RAB18: variants seen among roughly 807,000 people sequenced by gnomAD.
The protein encoded by RAB18 is ras-related protein Rab-18.
Under a neutral mutation model 28.5 loss-of-function variants are expected in RAB18, and 10 were observed. The observed-to-expected ratio is 0.35, with a 90% CI of 0.22 to 0.60. The LOEUF is 0.60. Ranked by LOEUF, RAB18 falls within the 20% of genes least tolerant of loss-of-function variation. RAB18 has a pLI of 0.78. For missense variants in RAB18, 188 were observed against 244.2 expected (o/e 0.77, Z 1.53); for synonymous variants, 93 against 86.9 (o/e 1.07, Z -0.39).
chr10:27,527,543 G>A (rs1310632813), intron 3 of RAB18, among the ~76,000 whole-genome samples: 1 of 150,618 alleles, frequency 6.6e-6, no homozygotes, highest in African/African-American at 2.4e-5. Flanking sequence ...CCCACATACC[G>A]ATCTATCTAT....
intron 2 of RAB18, chr10:27,513,829 G>A (rs1049048260): frequency 3.9e-5 from 6 of 152,210 alleles, no homozygotes; most frequent in East Asian, 1.9e-4. Context: ...CAAAAGTGAA[G>A]TGGGTTTCTT....
intron 2 of RAB18, among the ~76,000 whole-genome samples, chr10:27,515,239 A>G (rs1163637565): frequency 2.6e-5 from 4 of 152,116 alleles, no homozygotes; most frequent in Non-Finnish European, 5.9e-5. Context: ...TGGAAATTAG[A>G]TCCTGTAGAA....
chr10:27,509,412 G>A (rs146231938), intron 1 of RAB18, among the ~76,000 whole-genome samples: 20 of 152,142 alleles, frequency 1.3e-4, no homozygotes, highest in African/African-American at 4.8e-4. Context: ...CAGAATGCTC[G>A]GCTTTGATAT....
chr10:27,538,059 G>A lies in RAB18; in HGVS notation c.*8G>A, dbSNP rs371434806. 3.1e-6 allele frequency: 5 copies of A among 1,613,982 alleles called. No individual in the cohort carries two copies. The African/African-American group carries it at 6.7e-5, about 22-fold the overall frequency. On this transcript the variant is annotated 3_prime_UTR_variant, in exon 7 of 7. Coordinates refer to ENST00000356940, the MANE Select transcript of RAB18 (RefSeq NM_021252.5). ...TATTGCTCTGTGTTATAAACTCTGG[G>A]AAATTCCATCTCTTGCATATTTGAT...
chr10:27,518,129 A>G (rs889583111), intron 2 of RAB18, among the ~76,000 whole-genome samples: 7 of 152,154 alleles, frequency 4.6e-5, no homozygotes, highest in South Asian at 4.1e-4. Context: ...TGGTTTATCT[A>G]TTCATCAATT....
chr10:27,518,420 A>T (rs994234403), intron 2 of RAB18, among the ~76,000 whole-genome samples: 2 of 152,132 alleles, frequency 1.3e-5, no homozygotes, highest in Non-Finnish European at 2.9e-5. Flanking sequence ...GAGCAGCCTT[A>T]TTTAAATTTT....
chr10:27,511,326 C>T (rs1042827471), intron 2 of RAB18, among the ~76,000 whole-genome samples: 3 of 152,172 alleles, frequency 2.0e-5, no homozygotes, highest in African/African-American at 7.2e-5. Context: ...CCTCAGCCAC[C>T]CAAGTAGCTG....
At chr10:27,519,658 T>C (rs941548055) in intron 2 of RAB18, among the ~76,000 whole-genome samples, 3 of 152,120 alleles carry the variant, frequency 2.0e-5, no homozygotes, top group Non-Finnish European at 2.9e-5. Context: ...CAAAATACTT[T>C]CAGATTAATT....
chr10:27,537,700 T>G (rs1348932749), intron 6 of RAB18, among the ~76,000 whole-genome samples, 176 bp from the exon 7 acceptor site: 1 of 152,194 alleles, frequency 6.6e-6, no homozygotes, highest in Non-Finnish European at 1.5e-5. Flanking sequence ...TAGAATTTAA[T>G]TAGCTCAATT....
chr10:27,525,624 A>G (rs12261690), intron 2 of RAB18, among the ~76,000 whole-genome samples: 5,573 of 152,262 alleles, frequency 0.037, 314 homozygotes, highest in African/African-American at 0.13. Flanking sequence ...TATGTAATCA[A>G]CACTGTCCTT....
chr10:27,539,626 A>G lies in RAB18; in HGVS notation c.*1575A>G, dbSNP rs1298103170. The stretch of plus-strand genomic sequence containing the variant: ...TTATATTAAAACTTGAGATTTGTGT[A>G]TTTATGTAGAGTCTGTATTGACAAG... On this transcript the variant is annotated 3_prime_UTR_variant, in exon 7 of 7. Transcript: ENST00000356940. 6.6e-6 allele frequency: 3 copies of G among 451,824 alleles called. No homozygotes were observed. 28.0% of individuals were successfully genotyped at this position (451,824 alleles called of 1,614,324 possible).
At chr10:27,519,121 C>G (rs929819536) in intron 2 of RAB18, among the ~76,000 whole-genome samples, 1 of 151,478 alleles carries the variant, frequency 6.6e-6, no homozygotes, top group African/African-American at 2.4e-5. Flanking sequence ...TGGGGTTTAT[C>G]CCACATAGGA....
intron 2 of RAB18, among the ~76,000 whole-genome samples, chr10:27,521,588 A>T (rs1834554409): frequency 6.6e-6 from 1 of 152,230 alleles, no homozygotes; most frequent in African/African-American, 2.4e-5. Context: ...TAAGTGAAGT[A>T]ACTCAGGAAT....
chr10:27,538,517 T>C lies in RAB18; in HGVS notation c.*466T>C, dbSNP rs1349922652. 4.4e-6 allele frequency: 2 copies of C among 454,624 alleles called. No homozygotes were observed. The highest frequency in any genetic ancestry group is 3.1e-5 in the South Asian group (2 of 64,476). 28.2% of individuals were successfully genotyped at this position (454,624 alleles called of 1,614,324 possible). ...TAATAAAGAGCATGATTCCACAGCTTTTCTGGGATGTTTGAGATTCTTTTT... is the reference window on the plus strand; with the variant it reads ...TAATAAAGAGCATGATTCCACAGCTCTTCTGGGATGTTTGAGATTCTTTTT... On this transcript the variant is annotated 3_prime_UTR_variant, in exon 7 of 7. Coordinates refer to ENST00000356940, the MANE Select transcript of RAB18 (RefSeq NM_021252.5).
At chr10:27,527,609 ACT>A (rs1360426986) in intron 3 of RAB18, among the ~76,000 whole-genome samples, 2 of 151,580 alleles carry the variant, frequency 1.3e-5, no homozygotes, top group Non-Finnish European at 2.9e-5. Flanking sequence ...CTAAATATAT[ACT>A]GTTTTATATA....
chr10:27,505,115 A>G, intron 1 of RAB18: 2 of 532,950 alleles, frequency 3.8e-6, no homozygotes, highest in South Asian at 1.4e-5. Flanking sequence ...CTGTGGAGAC[A>G]GAAGATTAGT....
intron 2 of RAB18, among the ~76,000 whole-genome samples, chr10:27,519,761 T>C (rs554539168): frequency 6.6e-4 from 100 of 152,228 alleles, no homozygotes; most frequent in Non-Finnish European, 1.1e-3. Context: ...AAGTGATCTA[T>C]AGATTCAACA....
At chr10:27,505,071 A>C (rs1286913804) in intron 1 of RAB18, 1 of 532,712 alleles carries the variant, frequency 1.9e-6, no homozygotes, top group Admixed American at 1.9e-5. Flanking sequence ...CTTTGAAAAT[A>C]AAATGTAATT....
intron 2 of RAB18, chr10:27,510,377 C>T (rs920308077): frequency 2.8e-5 from 6 of 213,822 alleles, no homozygotes; most frequent in African/African-American, 9.4e-5. Flanking sequence ...CAGTGTTTGA[C>T]GTGTATTCTT....
Sources: gnomAD v4.1 joint callset for allele counts (sites outside exome capture counted in the v4.1 genomes callset) on GRCh38, gnomAD v4.1.1 for gene constraint, MANE v1.5 for transcripts, NCBI Gene and HGNC (gene_info 2026-07-23, HGNC 2026-07-21) for gene names.